RBFOX1: variants seen among roughly 807,000 people sequenced by gnomAD.
RBFOX1 encodes the protein RNA binding fox-1 homolog 1, also known as RNA binding protein fox-1 homolog 1.
A neutral mutation model predicts 57.7 loss-of-function variants in RBFOX1; 8 were observed. That is an observed-to-expected ratio of 0.14 (90% confidence interval 0.08 to 0.25). RBFOX1 has a LOEUF of 0.25. RBFOX1 is among the 10% of genes least tolerant of loss of function. RBFOX1 has a pLI of 1.00. For synonymous variants in RBFOX1, 326 were observed against 222.4 expected, an observed-to-expected ratio of 1.47 and a Z score of -4.15; for missense variants, 611 against 548.5, an observed-to-expected ratio of 1.11 and a Z score of -1.14.
intron 4 of RBFOX1, among the ~76,000 whole-genome samples, chr16:7,496,702 T>TTC (rs1555517434): frequency 6.1e-5 from 9 of 147,824 alleles, no homozygotes; most frequent in African/African-American, 2.3e-4. Flanking sequence ...TTTTTTTTTT[T>TTC]AAATTTGACC....
intron 3 of RBFOX1, among the ~76,000 whole-genome samples, chr16:6,834,363 C>T (rs1452871168): frequency 2.0e-5 from 3 of 152,124 alleles, no homozygotes; most frequent in Admixed American, 2.0e-4. Context: ...AGGCATGAGG[C>T]ACCACGCCTG....
At chr16:6,336,176 T>TAC (rs1567962676) in intron 2 of RBFOX1, among the ~76,000 whole-genome samples, 1 of 27,896 alleles carries the variant, frequency 3.6e-5, no homozygotes, top group Non-Finnish European at 6.6e-5. Context: ...TATATATATA[T>TAC]ATATATTTTT....
intron 3 of RBFOX1, among the ~76,000 whole-genome samples, chr16:5,704,389 G>T (rs534933170): frequency 6.6e-6 from 1 of 152,096 alleles, no homozygotes; most frequent in Non-Finnish European, 1.5e-5. Context: ...CTGGGGGTCT[G>T]GGGGTCGCCA....
intron 4 of RBFOX1, among the ~76,000 whole-genome samples, chr16:7,068,255 G>C (rs974318296): frequency 1.3e-5 from 2 of 152,082 alleles, no homozygotes; most frequent in East Asian, 3.9e-4. Context: ...CCAAAATCAT[G>C]CCACACTAGT....
chr16:7,527,978 G>C (rs1400337127), intron 5 of RBFOX1, among the ~76,000 whole-genome samples: 3 of 152,178 alleles, frequency 2.0e-5, no homozygotes, highest in African/African-American at 7.2e-5. Context: ...ATGATTTATA[G>C]ACAAATGGTT....
At chr16:7,388,268 C>T (rs548078059) in intron 4 of RBFOX1, among the ~76,000 whole-genome samples, 2 of 152,124 alleles carry the variant, frequency 1.3e-5, no homozygotes, top group South Asian at 2.1e-4. Context: ...ATGATGTGTT[C>T]GGGAAAATCC....
At chr16:6,816,146 A>T (rs999787702) in intron 3 of RBFOX1, among the ~76,000 whole-genome samples, 1 of 152,062 alleles carries the variant, frequency 6.6e-6, no homozygotes, top group Non-Finnish European at 1.5e-5. Context: ...CGTCTCTACA[A>T]AATTTTTATT....
intron 2 of RBFOX1, among the ~76,000 whole-genome samples, chr16:5,584,623 C>T (rs759315425): frequency 6.6e-6 from 1 of 152,160 alleles, no homozygotes; most frequent in Non-Finnish European, 1.5e-5. Flanking sequence ...GGGTCATTGT[C>T]TCCTGAGTGT....
chr16:5,548,032 G>A (rs1035623729), intron 2 of RBFOX1, among the ~76,000 whole-genome samples: 2 of 151,456 alleles, frequency 1.3e-5, no homozygotes, highest in African/African-American at 4.9e-5. Context: ...GTGGTGGCTT[G>A]TGCCTGTAAT....
At chr16:5,272,732 C>T (rs1346155578) in intron 1 of RBFOX1, among the ~76,000 whole-genome samples, 2 of 152,320 alleles carry the variant, frequency 1.3e-5, no homozygotes, top group East Asian at 3.9e-4. Flanking sequence ...TGACTTCCCT[C>T]CTTTGAGGTC....
chr16:6,295,828 G>A (rs150684264), intron 1 of RBFOX1, among the ~76,000 whole-genome samples: 10 of 152,268 alleles, frequency 6.6e-5, no homozygotes, highest in African/African-American at 1.7e-4. Flanking sequence ...CGCCGGGAGC[G>A]ATTTGTCAGC....
intron 2 of RBFOX1, among the ~76,000 whole-genome samples, chr16:6,507,828 A>T (rs1056098644): frequency 6.7e-6 from 1 of 150,330 alleles, no homozygotes; most frequent in African/African-American, 2.4e-5. Flanking sequence ...GGAGGGGGGA[A>T]TGGGGAATGG....
chr16:6,682,633 C>G (rs936215338), intron 3 of RBFOX1, among the ~76,000 whole-genome samples: 36 of 151,892 alleles, frequency 2.4e-4, no homozygotes, highest in Admixed American at 1.3e-4. Flanking sequence ...GTCGAGAGAG[C>G]TTTTCCTTCT....
intron 2 of RBFOX1, among the ~76,000 whole-genome samples, chr16:5,574,967 G>A (rs2151141413): frequency 6.6e-6 from 1 of 152,314 alleles, no homozygotes; most frequent in East Asian, 1.9e-4. Context: ...AGAAGCCACT[G>A]TGCTAAGTGG....
At chr16:6,941,305 T>TCCTTCCTTCCTTCCTA (rs2078448976) in intron 3 of RBFOX1, among the ~76,000 whole-genome samples, 2 of 27,982 alleles carry the variant, frequency 7.1e-5, no homozygotes, top group Non-Finnish European at 1.6e-4. Flanking sequence ...CCTCCCTCCT[T>TCCTTCCTTCCTTCCTA]CCTTCCTTCC....
At chr16:7,306,707 C>T (rs538020932) in intron 4 of RBFOX1, among the ~76,000 whole-genome samples, 15 of 152,248 alleles carry the variant, frequency 9.9e-5, no homozygotes, top group Non-Finnish European at 1.9e-4. Flanking sequence ...CCTGGAAGCT[C>T]ACCGCTAGGG....
At chr16:6,177,224 TC>T (rs1326823342) in intron 1 of RBFOX1, among the ~76,000 whole-genome samples, 1 of 151,726 alleles carries the variant, frequency 6.6e-6, no homozygotes, top group Non-Finnish European at 1.5e-5. Flanking sequence ...GCAGCTGTGT[TC>T]CTTGCCCTCT....
intron 4 of RBFOX1, among the ~76,000 whole-genome samples, chr16:7,137,338 T>A (rs750013156): frequency 6.6e-5 from 10 of 152,124 alleles, no homozygotes; most frequent in South Asian, 2.1e-4. Flanking sequence ...AATTCCCACA[T>A]GTTGTGGGAG....
intron 14 of RBFOX1, among the ~76,000 whole-genome samples, chr16:7,701,836 C>T (rs1035096592): frequency 4.6e-5 from 7 of 152,188 alleles, no homozygotes; most frequent in Admixed American, 3.3e-4. Context: ...TGAACAGGAA[C>T]ATTTCCTAGA....
Sources: allele counts gnomAD v4.1 joint callset (sites outside exome capture counted in the v4.1 genomes callset), GRCh38; gene constraint gnomAD v4.1.1; transcripts MANE v1.5; gene names NCBI Gene and HGNC (gene_info 2026-07-23, HGNC 2026-07-21).